Variants in RARRES1 observed in about 807,000 individuals in gnomAD.
RARRES1 encodes the protein retinoic acid receptor responder 1.
RARRES1 carries 34 observed loss-of-function variants against 30.6 expected under a neutral mutation model. The observed-to-expected ratio is 1.11, with a 90% CI of 0.84 to 1.48. The LOEUF is 1.48. Ranked by LOEUF, RARRES1 falls within the 40% of genes most tolerant of loss-of-function variation. RARRES1 has a pLI of 0.00. For synonymous variants in RARRES1, 153 were observed against 155.5 expected (o/e 0.98, Z 0.12); for missense variants, 373 against 386.5 (o/e 0.97, Z 0.29).
intron 4 of RARRES1, among the ~76,000 whole-genome samples, chr3:158,703,631 T>C (rs1352899196): frequency 2.0e-5 from 3 of 152,176 alleles, no homozygotes; most frequent in East Asian, 1.9e-4. Flanking sequence ...TCTCCCTTCA[T>C]TGACTTCCAG....
chr3:158,700,582 A>G (rs1048913238), intron 4 of RARRES1, among the ~76,000 whole-genome samples: 2 of 152,070 alleles, frequency 1.3e-5, no homozygotes, highest in African/African-American at 4.8e-5. Context: ...TTTAAACCAA[A>G]CCAAAAAGCA....
chr3:158,701,151 A>G (rs1433801729), intron 4 of RARRES1, among the ~76,000 whole-genome samples: 1 of 152,178 alleles, frequency 6.6e-6, no homozygotes, highest in Admixed American at 6.5e-5. Flanking sequence ...ACTGATTGAT[A>G]AGAGTTAGAA....
Position 158,704,568 on chromosome 3 carries a change from C to G in RARRES1, c.672+223G>C, listed in dbSNP as rs76381497. On this transcript the variant is annotated intron_variant, in intron 4 of 5. Transcript: ENST00000237696. ...CACTGTCTCTTTTTATCTTCTCTCA[C>G]TAGAATTAATCTCAATGAGGGCAGC... 4.1e-3 allele frequency: 2,201 copies of G among 532,828 alleles called. 58 individuals are homozygous for G. Among genetic ancestry groups the G allele is most frequent in the African/African-American group, 0.04 (2,063 of 51,324 alleles). 33.0% of individuals were successfully genotyped at this position (532,828 alleles called of 1,614,324 possible).
At chr3:158,699,209 C>T (rs1319990065) in intron 4 of RARRES1, among the ~76,000 whole-genome samples, 1 of 152,126 alleles carries the variant, frequency 6.6e-6, no homozygotes. Flanking sequence ...CCATTTATGC[C>T]AAGTCCCCCT....
At chr3:158,730,342 A>T (rs1727833329) in intron 1 of RARRES1, among the ~76,000 whole-genome samples, 1 of 141,878 alleles carries the variant, frequency 7.0e-6, no homozygotes, top group Non-Finnish European at 1.6e-5. Context: ...AAAAAAACAA[A>T]GACAGGTGAC....
At chr3:158,704,210 C>A (rs929277972) in intron 4 of RARRES1, among the ~76,000 whole-genome samples, 2 of 82,840 alleles carry the variant, frequency 2.4e-5, no homozygotes, top group Non-Finnish European at 4.6e-5. Flanking sequence ...TATTGCAATA[C>A]TTTTTTTTTT....
chr3:158,732,119 G>A, intron 1 of RARRES1, 21 bp downstream of exon 1: 1 of 1,318,364 alleles, frequency 7.6e-7, no homozygotes, highest in Non-Finnish European at 9.6e-7. Context: ...CGCGTGCCCC[G>A]GCGCGTCGCT....
At chr3:158,710,019 T>G (rs1727058068) in intron 3 of RARRES1, among the ~76,000 whole-genome samples, 1 of 152,204 alleles carries the variant, frequency 6.6e-6, no homozygotes, top group African/African-American at 2.4e-5. Flanking sequence ...ATGAGCAGAG[T>G]AGTGGCTCTG....
intron 1 of RARRES1, 30 bp downstream of exon 1, chr3:158,732,110 G>C (rs1042992090): frequency 1.9e-5 from 25 of 1,313,684 alleles, no homozygotes; most frequent in East Asian, 3.1e-5. Flanking sequence ...ACAGGCAGGC[G>C]CGTGCCCCGG....
In RARRES1 at chr3:158,699,684, A is replaced by G. The variant is rs543769290; in HGVS notation, c.673-1714T>C. Among the ~76,000 whole-genome samples, 4 of 152,062 alleles carry G rather than the reference A, an allele frequency of 2.6e-5. No homozygotes were observed. In the East Asian group the frequency reaches 5.8e-4, roughly 22 times the overall value. ...AAATCAGAAATCAACTGCATTTTCTATGATTCTTCTTGGCAATAGTCAGTA... is the reference window on the plus strand; with the variant it reads ...AAATCAGAAATCAACTGCATTTTCTGTGATTCTTCTTGGCAATAGTCAGTA... On this transcript the variant is annotated intron_variant, in intron 4 of 5. Coordinates refer to ENST00000237696, the MANE Select transcript of RARRES1 (RefSeq NM_206963.2).
intron 1 of RARRES1, among the ~76,000 whole-genome samples, chr3:158,714,556 G>A (rs184679011): frequency 2.6e-5 from 4 of 152,320 alleles, no homozygotes; most frequent in South Asian, 2.1e-4. Context: ...TCTTTCTTTC[G>A]TTTGCAGTTT....
intron 1 of RARRES1, among the ~76,000 whole-genome samples, chr3:158,724,282 A>G (rs1308956198): frequency 6.6e-6 from 1 of 152,160 alleles, no homozygotes; most frequent in African/African-American, 2.4e-5. Flanking sequence ...ATGCCCCCCC[A>G]CAGCCCTTGC....
intron 4 of RARRES1, among the ~76,000 whole-genome samples, chr3:158,702,279 C>T (rs957949750): frequency 1.3e-5 from 2 of 152,140 alleles, no homozygotes; most frequent in African/African-American, 2.4e-5. Context: ...ACCTCATGAT[C>T]CGCCTGCCTC....
intron 3 of RARRES1, among the ~76,000 whole-genome samples, chr3:158,705,140 AAAT>A (rs1726875229): frequency 6.6e-6 from 1 of 152,244 alleles, no homozygotes; most frequent in East Asian, 1.9e-4. Flanking sequence ...AATCTATTAT[AAAT>A]CAATGGCCAT....
intron 1 of RARRES1, among the ~76,000 whole-genome samples, chr3:158,728,210 TAAAAA>T (rs1553746094): frequency 2.8e-5 from 4 of 144,976 alleles, no homozygotes; most frequent in African/African-American, 1.0e-4. Context: ...CTATTTCGTT[TAAAAA>T]AAAAAAAAAC....
At chr3:158,725,540 T>G (rs927898839) in intron 1 of RARRES1, among the ~76,000 whole-genome samples, 1 of 152,190 alleles carries the variant, frequency 6.6e-6, no homozygotes, top group African/African-American at 2.4e-5. Flanking sequence ...GGTCTTGATG[T>G]GGGACATTAC....
intron 4 of RARRES1, among the ~76,000 whole-genome samples, chr3:158,699,397 G>A (rs1726649954): frequency 6.6e-6 from 1 of 151,228 alleles, no homozygotes; most frequent in Admixed American, 6.6e-5. Context: ...TACATTACCA[G>A]GTTTCTATTA....
At chr3:158,706,310 T>G (rs1050243940) in intron 3 of RARRES1, among the ~76,000 whole-genome samples, 3 of 152,158 alleles carry the variant, frequency 2.0e-5, no homozygotes, top group African/African-American at 7.2e-5. Context: ...CAGGTTTCTT[T>G]GGGCTTTGGG....
chr3:158,702,415 T>C (rs1726765504), intron 4 of RARRES1, among the ~76,000 whole-genome samples: 1 of 152,130 alleles, frequency 6.6e-6, no homozygotes. Flanking sequence ...GAGATGTTAG[T>C]GGACAGATGA....
Sources: gnomAD v4.1 joint callset for allele counts (sites outside exome capture counted in the v4.1 genomes callset) on GRCh38, gnomAD v4.1.1 for gene constraint, MANE v1.5 for transcripts, NCBI Gene and HGNC (gene_info 2026-07-23, HGNC 2026-07-21) for gene names.